The following RPS6KA5 variants were observed in gnomAD, a reference collection of about 807,000 sequenced individuals.
RPS6KA5 encodes ribosomal protein S6 kinase alpha-5.
Under a neutral mutation model 85.5 loss-of-function variants are expected in RPS6KA5, and 27 were observed. That is an observed-to-expected ratio of 0.32 (90% CI 0.23 to 0.44). RPS6KA5 has a LOEUF of 0.44. Ranked by LOEUF, RPS6KA5 falls within the 20% of genes least tolerant of loss-of-function variation. The probability of loss-of-function intolerance (pLI) is 1.00; values close to 1 mark genes in which losing one functional copy is unlikely to be tolerated. For synonymous variants in RPS6KA5, 334 were observed against 348.2 expected (o/e 0.96, Z 0.46); for missense variants, 811 against 980.9 (o/e 0.83, Z 2.31).
intron 1 of RPS6KA5, among the ~76,000 whole-genome samples, chr14:91,020,934 T>C (rs558857199): frequency 5.9e-5 from 9 of 152,292 alleles, no homozygotes; most frequent in African/African-American, 1.9e-4. Context: ...GCATGTTCAA[T>C]ACTTAGGTGA....
chr14:90,946,502 A>T (rs2140365907), intron 4 of RPS6KA5, among the ~76,000 whole-genome samples: 1 of 151,898 alleles, frequency 6.6e-6, no homozygotes, highest in East Asian at 1.9e-4. Flanking sequence ...CCCACCTGTT[A>T]CCTCCACCTT....
intron 3 of RPS6KA5, among the ~76,000 whole-genome samples, chr14:90,977,518 C>T (rs1176128599): frequency 1.3e-5 from 2 of 152,192 alleles, no homozygotes; most frequent in Non-Finnish European, 2.9e-5. Context: ...TGATTAGTAG[C>T]TAATCAAGTT....
chr14:90,876,252 A>G (rs2033466995), intron 14 of RPS6KA5, among the ~76,000 whole-genome samples: 1 of 152,148 alleles, frequency 6.6e-6, no homozygotes, highest in Non-Finnish European at 1.5e-5. Context: ...AGATAGCAGA[A>G]CTCCTGAATA....
At chr14:90,909,878 C>G (rs1346901562) in intron 7 of RPS6KA5, among the ~76,000 whole-genome samples, 2 of 152,086 alleles carry the variant, frequency 1.3e-5, no homozygotes, top group Admixed American at 1.3e-4. Context: ...CAGGTTCAAG[C>G]AATTATCTTG....
At chr14:91,054,792 T>TA (rs34090545) in intron 1 of RPS6KA5, among the ~76,000 whole-genome samples, 23 of 150,024 alleles carry the variant, frequency 1.5e-4, no homozygotes, top group South Asian at 4.2e-4. Context: ...CTCTATTATT[T>TA]AAAAAAAAAA....
intron 14 of RPS6KA5, among the ~76,000 whole-genome samples, chr14:90,878,245 AC>A (rs1595105339): frequency 6.6e-6 from 1 of 152,300 alleles, no homozygotes; most frequent in South Asian, 2.1e-4. Context: ...ATGAGTAAGA[AC>A]CCTTTAAGAA....
At position 90,920,217 on chromosome 14, in the gene RPS6KA5, A is replaced by C. The variant is rs1305353131; in HGVS notation, c.795T>G (p.Ala265=). The C allele has an allele frequency of 6.3e-7, 1 of 1,599,346 alleles. No homozygotes were observed. The highest frequency in any genetic ancestry group is 1.7e-5 in the Admixed American group (1 of 59,936). The change falls in exon 7 of 17, where the codon GCT becomes GCG. Residue 265 remains alanine, a synonymous_variant. Transcript: ENST00000614987. ...TTGTCAAATCTTACCTAGATATCTC[A>C]GCTTGGGAATTTTTTTCTCCATCAA... The part of the protein sequence containing the change: ...FTVDGEKNSQ[A]EISRRILKSE...
Position 91,060,398 on chromosome 14 carries a change from C to T in RPS6KA5, c.37G>A (p.Gly13Arg), listed in dbSNP as rs781588549. ...CCGTCGCCGCCGTCCGCGCTGGTCC[C>T]CGCGGCGCCGCCGCTGCTGCCACCC... is the stretch of plus-strand genomic sequence containing the variant. ...EEGGSSGGAA[G>R]TSADGGDGGE... Residue 13 changes from glycine to arginine, a missense_variant, in exon 1 of 17, where the codon GGG (glycine) becomes AGG (arginine). Physicochemically the swap from Gly to Arg is moderately radical, Grantham distance 125 (BLOSUM62 -2). This residue lies in a region of RPS6KA5 where 113 missense variants were observed against 100.0 expected (regional missense o/e 1.13). Coordinates refer to ENST00000614987, the MANE Select transcript of RPS6KA5 (RefSeq NM_004755.4). 3.3e-6 allele frequency: 5 copies of T among 1,508,856 alleles called. No homozygotes were observed. The South Asian group carries it at 6.4e-5, about 19-fold the overall frequency. The allele number at this position is 1,508,856 out of a possible 1,614,324, so 93.5% of individuals were successfully genotyped here.
intron 7 of RPS6KA5, among the ~76,000 whole-genome samples, chr14:90,919,047 T>C (rs571564058): frequency 4.8e-4 from 73 of 152,296 alleles, no homozygotes; most frequent in Non-Finnish European, 1.2e-4. Context: ...AGAAATAACA[T>C]CTTCACTATA....
chr14:90,981,927 T>C (rs1307129725), intron 2 of RPS6KA5, among the ~76,000 whole-genome samples: 2 of 152,230 alleles, frequency 1.3e-5, no homozygotes, highest in Admixed American at 6.5e-5. Context: ...GTTTATCACA[T>C]TGCCAAATGG....
At chr14:91,041,630 A>G (rs988902181) in intron 1 of RPS6KA5, among the ~76,000 whole-genome samples, 3 of 152,214 alleles carry the variant, frequency 2.0e-5, no homozygotes, top group Non-Finnish European at 4.4e-5. Flanking sequence ...TAGCACATTC[A>G]AGTCCTTTTA....
At chr14:91,043,804 C>A (rs2042692067) in intron 1 of RPS6KA5, among the ~76,000 whole-genome samples, 1 of 152,186 alleles carries the variant, frequency 6.6e-6, no homozygotes, top group African/African-American at 2.4e-5. Context: ...TTAGATGACC[C>A]CAATGACCCT....
Position 90,957,156 on chromosome 14 carries a change from C to CTGGGTTCAAGCGATTCTT in RPS6KA5, c.395-9624_395-9607dup, listed in dbSNP as rs549634718. 1.9e-4 allele frequency among the ~76,000 whole-genome samples: 29 copies of CTGGGTTCAAGCGATTCTT among 152,202 alleles called. No homozygotes were observed. In the East Asian group the frequency reaches 5.6e-3, roughly 29 times the overall value. On this transcript the variant is annotated intron_variant, in intron 3 of 16. Coordinates refer to ENST00000614987, the MANE Select transcript of RPS6KA5 (RefSeq NM_004755.4). Reference sequence around the variant, plus strand: ...CTCAGCTCACTGCAACCTCCGCCTCCTGGGTTCAAGCGATTCTTGCGCCTC... The same window carrying CTGGGTTCAAGCGATTCTT: ...CTCAGCTCACTGCAACCTCCGCCTCCTGGGTTCAAGCGATTCTTTGGGTTCAAGCGATTCTTGCGCCTC...
chr14:90,935,527 C>G (rs368257487), intron 5 of RPS6KA5, among the ~76,000 whole-genome samples: 1 of 152,046 alleles, frequency 6.6e-6, no homozygotes, highest in African/African-American at 2.4e-5. Context: ...AGGTTAATGA[C>G]GAAGTGACTT....
chr14:91,048,749 G>T (rs1394110589), intron 1 of RPS6KA5, among the ~76,000 whole-genome samples: 1 of 152,162 alleles, frequency 6.6e-6, no homozygotes, highest in African/African-American at 2.4e-5. Flanking sequence ...ATCATGATGG[G>T]AGCTCAAAGG....
At chr14:90,935,983 A>C (rs1480570009) in intron 5 of RPS6KA5, among the ~76,000 whole-genome samples, 3 of 152,240 alleles carry the variant, frequency 2.0e-5, no homozygotes, top group Non-Finnish European at 4.4e-5. Context: ...TAAAGTTGTC[A>C]ACATTAAAAT....
In RPS6KA5 at chr14:90,851,421, G is replaced by GT. The variant is rs1233666843; in HGVS notation, c.*20652dup. 1 of 152,188 alleles carries GT rather than the reference G, an allele frequency of 6.6e-6. No individual in the cohort carries two copies. Among genetic ancestry groups the GT allele is most frequent in the Non-Finnish European group, 1.5e-5 (1 of 68,038 alleles). The allele number at this position is 152,188 out of a possible 1,614,324, so 9.4% of individuals were successfully genotyped here. A position where few individuals can be genotyped will look rare whatever the true frequency, so the allele number is the denominator to read the frequency against. ...ATCATTCTACCCATCTTTGGAATCA[G>GT]TGTACCTTATGGATTTTTTTAATCC... On this transcript the variant is annotated 3_prime_UTR_variant, in exon 17 of 17. Transcript: ENST00000614987.
intron 14 of RPS6KA5, among the ~76,000 whole-genome samples, chr14:90,878,735 C>A (rs934349343): frequency 5.3e-5 from 8 of 152,158 alleles, no homozygotes; most frequent in African/African-American, 1.9e-4. Flanking sequence ...TACCTTGCAC[C>A]ACTAAGAAGC....
chr14:90,850,041 C>T lies in RPS6KA5; in HGVS notation c.*22033G>A, dbSNP rs2031913434. 6.6e-6 allele frequency: 1 copy of T among 152,252 alleles called. No individual in the cohort carries two copies. The highest frequency in any genetic ancestry group is 2.1e-4 in the South Asian group (1 of 4,834). 9.4% of individuals were successfully genotyped at this position (152,252 alleles called of 1,614,324 possible). A position where few individuals can be genotyped will look rare whatever the true frequency, so the allele number is the denominator to read the frequency against. ...TATTTAAAACAAAGGAATCCCCAGT[C>T]TCTTTGAAGTATGTGCCTTAGAAGG... On this transcript the variant is annotated 3_prime_UTR_variant, in exon 17 of 17. Coordinates refer to ENST00000614987, the MANE Select transcript of RPS6KA5 (RefSeq NM_004755.4).
Sources: gnomAD v4.1 joint callset for allele counts (sites outside exome capture counted in the v4.1 genomes callset) on GRCh38, gnomAD v4.1.1 for gene constraint, gnomAD v4.1.1 regional missense constraint, MANE v1.5 for transcripts, NCBI Gene and HGNC (gene_info 2026-07-23, HGNC 2026-07-21) for gene names.